PRRG1: variants seen among roughly 807,000 people sequenced by gnomAD.
The protein encoded by PRRG1 is transmembrane gamma-carboxyglutamic acid protein 1.
PRRG1 carries 5 observed loss-of-function variants against 11.8 expected under a neutral mutation model. The ratio of observed to expected loss-of-function variants is 0.42; its 90% CI spans 0.22 to 0.89. The LOEUF is 0.89. Among genes scored for constraint, PRRG1 ranks in the 40% least tolerant of loss-of-function variants. PRRG1 has a pLI of 0.28. For missense variants in PRRG1, 155 were observed against 166.1 expected (o/e 0.93, Z 0.37); for synonymous variants, 66 against 60.4 (o/e 1.09, Z -0.43).
At chrX:37,373,916 A>T (rs920807792) in intron 1 of PRRG1, among the ~76,000 whole-genome samples, 5 of 111,552 alleles carry the variant, frequency 4.5e-5, no homozygotes, top group Non-Finnish European at 9.4e-5. Context: ...TGGGCTTGTC[A>T]TATATGGCCT....
intron 2 of PRRG1, 164 bp from the exon 3 acceptor site, chrX:37,425,676 G>C (rs372244327): frequency 1.4e-5 from 6 of 416,665 alleles, no homozygotes; most frequent in South Asian, 5.8e-5. Flanking sequence ...CTCACATCAT[G>C]AGGAAGATAG....
intron 2 of PRRG1, among the ~76,000 whole-genome samples, chrX:37,413,604 C>G (rs1932410921): frequency 9.0e-6 from 1 of 111,478 alleles, no homozygotes; most frequent in African/African-American, 3.3e-5. Context: ...TACATTCCCA[C>G]CAGCAATGAA....
At chrX:37,365,225 C>T (rs193253241) in intron 1 of PRRG1, among the ~76,000 whole-genome samples, 46 of 111,297 alleles carry the variant, frequency 4.1e-4, no homozygotes, top group African/African-American at 1.4e-3. Context: ...TAGAGCCCTT[C>T]GTATTTATTG....
intron 1 of PRRG1, among the ~76,000 whole-genome samples, chrX:37,355,799 G>C (rs1249236547): frequency 1.8e-5 from 2 of 112,362 alleles, no homozygotes; most frequent in African/African-American, 6.5e-5. Flanking sequence ...GTTTAATAAT[G>C]CTAGCAAATA....
chrX:37,406,795 C>T (rs1359772137), intron 2 of PRRG1, among the ~76,000 whole-genome samples: 1 of 111,237 alleles, frequency 9.0e-6, no homozygotes, highest in Non-Finnish European at 1.9e-5. Context: ...GGGCAGTGGA[C>T]AACAGATAAA....
At chrX:37,441,802 TG>T in intron 3 of PRRG1, 1 of 786,877 alleles carries the variant, frequency 1.3e-6, no homozygotes. Flanking sequence ...GCGTCAAGAC[TG>T]GGAGAGCAGG....
chrX:37,375,009 G>A (rs1425327423), intron 1 of PRRG1, among the ~76,000 whole-genome samples: 1 of 111,963 alleles, frequency 8.9e-6, no homozygotes, highest in Admixed American at 9.5e-5. Flanking sequence ...AGCTGTAAGT[G>A]TCAGGAAATA....
intron 1 of PRRG1, among the ~76,000 whole-genome samples, chrX:37,384,603 G>C (rs1200342369): frequency 9.0e-6 from 1 of 111,624 alleles, no homozygotes; most frequent in Non-Finnish European, 1.9e-5. Context: ...ATAAGTTTAG[G>C]AAATTATGGC....
chrX:37,391,781 T>G (rs1931545076), intron 1 of PRRG1, among the ~76,000 whole-genome samples: 1 of 112,327 alleles, frequency 8.9e-6, no homozygotes, highest in Non-Finnish European at 1.9e-5. Flanking sequence ...TGCAATGACG[T>G]TTTTATTCAC....
In PRRG1 at chrX:37,440,792, G is replaced by A. The variant is rs782498747; in HGVS notation, c.172-12344G>A. 2.6e-5 allele frequency: 13 copies of A among 509,022 alleles called. No individual in the cohort carries two copies. In the South Asian group the frequency reaches 3.3e-4, roughly 13 times the overall value. 41.9% of individuals were successfully genotyped at this position (509,022 alleles called of 1,213,427 possible). ...ATTATTGTTTTAAAATTGAGACAGG[G>A]TCTTGTTCTGTTGCCAAGGCTGGAG... is the stretch of plus-strand genomic sequence containing the variant. On this transcript the variant is annotated intron_variant, in intron 3 of 3. Coordinates refer to ENST00000378628, the MANE Select transcript of PRRG1 (RefSeq NM_001142395.2).
chrX:37,442,446 GGGTGGGGTGA>G (rs1556394133), intron 3 of PRRG1, among the ~76,000 whole-genome samples: 1 of 108,459 alleles, frequency 9.2e-6, no homozygotes, highest in African/African-American at 3.4e-5. Flanking sequence ...ATGTGGGATA[GGGTGGGGTGA>G]GGTGGGGTAG....
At chrX:37,419,157 G>A (rs1932587497) in intron 2 of PRRG1, among the ~76,000 whole-genome samples, 1 of 111,915 alleles carries the variant, frequency 8.9e-6, no homozygotes, top group African/African-American at 3.2e-5. Flanking sequence ...TCAACCTAAA[G>A]TTCAATAAAG....
chrX:37,393,830 T>C (rs1556377387), intron 1 of PRRG1, among the ~76,000 whole-genome samples: 2 of 112,004 alleles, frequency 1.8e-5, no homozygotes, highest in Non-Finnish European at 3.8e-5. Flanking sequence ...AAGTAAATAT[T>C]TTTTGAACGA....
intron 1 of PRRG1, among the ~76,000 whole-genome samples, chrX:37,395,753 T>C (rs180748386): frequency 9.0e-6 from 1 of 111,611 alleles, no homozygotes; most frequent in African/African-American, 3.3e-5. Context: ...AGATATACTT[T>C]CCAAAAGGTA....
intron 3 of PRRG1, among the ~76,000 whole-genome samples, chrX:37,436,297 T>C (rs1361824867): frequency 8.9e-6 from 1 of 112,235 alleles, no homozygotes; most frequent in Non-Finnish European, 1.9e-5. Flanking sequence ...ACTGAGTTAT[T>C]GATATCCAAG....
At chrX:37,386,425 A>G (rs1556375260) in intron 1 of PRRG1, among the ~76,000 whole-genome samples, 4 of 111,894 alleles carry the variant, frequency 3.6e-5, no homozygotes, top group Non-Finnish European at 7.5e-5. Context: ...TATCATCACA[A>G]TCTAGATAAT....
Position 37,355,806 on chromosome X carries a change from A to C in PRRG1, c.-42+6411A>C, listed in dbSNP as rs782106657. ...TTTTTCAAGTTTAATAATGCTAGCA[A>C]ATAAATCAATAATTTCAGCTATTCC... On this transcript the variant is annotated intron_variant, in intron 1 of 3. Transcript: ENST00000378628. Among the ~76,000 whole-genome samples the C allele has an allele frequency of 2.7e-5, 3 of 112,584 alleles. No homozygotes were observed. The East Asian group carries it at 8.3e-4, about 31-fold the overall frequency.
intron 1 of PRRG1, among the ~76,000 whole-genome samples, chrX:37,395,297 C>A (rs1339960065): frequency 9.0e-6 from 1 of 111,631 alleles, no homozygotes; most frequent in African/African-American, 3.3e-5. Context: ...TTTAAAAGCT[C>A]ACGCTTGTAT....
At chrX:37,372,748 C>T (rs1338135589) in intron 1 of PRRG1, among the ~76,000 whole-genome samples, 2 of 112,919 alleles carry the variant, frequency 1.8e-5, no homozygotes, top group East Asian at 5.5e-4. Context: ...TGGGTTATCT[C>T]TTCATTCTGT....
Sources: gnomAD v4.1 joint callset for allele counts (sites outside exome capture counted in the v4.1 genomes callset) on GRCh38, gnomAD v4.1.1 for gene constraint, MANE v1.5 for transcripts, NCBI Gene and HGNC (gene_info 2026-07-23, HGNC 2026-07-21) for gene names.